PDE1C: variants seen among roughly 807,000 people sequenced by gnomAD.
The protein encoded by PDE1C is dual specificity calcium/calmodulin-dependent 3',5'-cyclic nucleotide phosphodiesterase 1C.
In PDE1C, 62 loss-of-function variants were observed where a neutral mutation model predicts 93.1. The observed-to-expected ratio is 0.67, with a 90% confidence interval of 0.54 to 0.82. The LOEUF is 0.82. PDE1C is among the 40% of genes least tolerant of loss of function. The pLI, the probability that PDE1C is intolerant of heterozygous loss-of-function variation, is 0.00. For synonymous variants in PDE1C, 325 were observed against 310.1 expected, an observed-to-expected ratio of 1.05 and a Z score of -0.50; for missense variants, 742 against 884.6, an observed-to-expected ratio of 0.84 and a Z score of 2.04.
At chr7:31,780,180 T>C (rs1215448200) in intron 16 of PDE1C, among the ~76,000 whole-genome samples, 4 of 152,202 alleles carry the variant, frequency 2.6e-5, no homozygotes, top group African/African-American at 9.6e-5. Context: ...GACTTTTTAA[T>C]GTTCCCAGGT....
At chr7:32,410,433 G>T (rs1051852155) in intron 1 of PDE1C, among the ~76,000 whole-genome samples, 2 of 151,886 alleles carry the variant, frequency 1.3e-5, no homozygotes, top group African/African-American at 4.8e-5. Context: ...GGAAGAGGAG[G>T]AGGAGGAGGT....
At chr7:31,992,248 A>G (rs775620333) in intron 2 of PDE1C, among the ~76,000 whole-genome samples, 5 of 152,228 alleles carry the variant, frequency 3.3e-5, no homozygotes, top group Non-Finnish European at 7.3e-5. Context: ...ACATGGCTCC[A>G]GCTCAGTGAC....
chr7:31,964,937 C>T (rs1809668398), intron 2 of PDE1C, among the ~76,000 whole-genome samples: 1 of 152,052 alleles, frequency 6.6e-6, no homozygotes, highest in Non-Finnish European at 1.5e-5. Flanking sequence ...AAAGGACATC[C>T]ACACCAAAAA....
the PDE1C span, among the ~76,000 whole-genome samples, chr7:31,735,465 C>T: frequency 4.6e-5 from 7 of 151,204 alleles, no homozygotes; most frequent in South Asian, 2.1e-4. Context: ...TATAAGCAAA[C>T]GTCCCAGGCC....
At chr7:31,686,784 G>T in the PDE1C span, 2 of 152,132 alleles carry the variant, frequency 1.3e-5, no homozygotes, top group Non-Finnish European at 2.9e-5. Flanking sequence ...AATGTTAGCA[G>T]TAGCTACCCT....
the PDE1C span, among the ~76,000 whole-genome samples, chr7:31,692,679 G>A: frequency 4.3e-4 from 66 of 152,336 alleles, no homozygotes; most frequent in African/African-American, 1.5e-3. Context: ...CAGGCAAATA[G>A]CCATGGGTCT....
At chr7:31,913,681 C>T (rs753381915) in intron 2 of PDE1C, among the ~76,000 whole-genome samples, 1 of 152,182 alleles carries the variant, frequency 6.6e-6, no homozygotes, top group African/African-American at 2.4e-5. Flanking sequence ...GGGACTAAGA[C>T]AAGAGCAGTC....
chr7:31,894,726 G>A (rs1158872774), intron 2 of PDE1C, among the ~76,000 whole-genome samples: 3 of 152,162 alleles, frequency 2.0e-5, no homozygotes, highest in African/African-American at 7.2e-5. Context: ...TCCGCCTAGT[G>A]CAGAGATTTT....
intron 2 of PDE1C, among the ~76,000 whole-genome samples, chr7:31,915,549 T>C (rs1282465638): frequency 2.6e-5 from 4 of 152,226 alleles, no homozygotes; most frequent in Non-Finnish European, 4.4e-5. Flanking sequence ...ATGTACTTTG[T>C]ATTTCACTGA....
intron 8 of PDE1C, 126 bp downstream of exon 8, chr7:31,850,515 G>A: frequency 1.5e-6 from 1 of 685,660 alleles, no homozygotes; most frequent in East Asian, 2.6e-5. Flanking sequence ...TCATTTAGAG[G>A]TTCATTGTTT....
At chr7:32,070,503 C>G (rs30598), upstream of PDE1C, 1,056,224 of 1,540,038 alleles carry the variant, frequency 0.69, 363,703 homozygotes, top group Non-Finnish European at 0.7. Context: ...CGCGTTTGCC[C>G]GGCACTTTCT....
At chr7:32,057,250 T>C (rs1291112276) in intron 1 of PDE1C, among the ~76,000 whole-genome samples, 2 of 152,342 alleles carry the variant, frequency 1.3e-5, no homozygotes, top group East Asian at 1.9e-4. Flanking sequence ...GGAGATCTCA[T>C]GTGCTATGGC....
At chr7:31,757,951 G>A (rs1163070784) in intron 17 of PDE1C, among the ~76,000 whole-genome samples, 10 of 152,232 alleles carry the variant, frequency 6.6e-5, no homozygotes, top group Admixed American at 6.5e-4. Flanking sequence ...TATACACCAT[G>A]GAATACTATG....
intron 1 of PDE1C, among the ~76,000 whole-genome samples, chr7:32,340,788 G>T (rs113936969): frequency 0.011 from 1,614 of 152,274 alleles, 15 homozygotes; most frequent in Non-Finnish European, 0.018. Context: ...TTCTAGAAAA[G>T]AAAATACAAT....
intron 1 of PDE1C, among the ~76,000 whole-genome samples, chr7:32,425,423 G>A (rs1419348503): frequency 6.6e-6 from 1 of 152,026 alleles, no homozygotes; most frequent in Admixed American, 6.6e-5. Context: ...TTTTGCATAA[G>A]TATCCTAGGT....
intron 16 of PDE1C, among the ~76,000 whole-genome samples, chr7:31,806,072 C>A (rs1786785544): frequency 6.6e-6 from 1 of 151,884 alleles, no homozygotes; most frequent in Non-Finnish European, 1.5e-5. Flanking sequence ...CTTCATAACT[C>A]ACTTTTCAGT....
Position 32,400,454 on chromosome 7 carries a change from G to A in PDE1C, c.310+27368C>T, listed in dbSNP as rs73307818. ...AGAAAATGGGAGTCTGTGGTCAGACGGAAAATACTGCAGGCTAGATTTGGC... is the reference window on the plus strand; with the variant it reads ...AGAAAATGGGAGTCTGTGGTCAGACAGAAAATACTGCAGGCTAGATTTGGC... On this transcript the variant is annotated intron_variant, in intron 1 of 1. Coordinates refer to the PDE1C transcript ENST00000672256. Among the ~76,000 whole-genome samples, 861 of 152,252 alleles carry A rather than the reference G, an allele frequency of 5.7e-3. 7 individuals are homozygous for A. The highest frequency in any genetic ancestry group is 0.02 in the African/African-American group (834 of 41,544).
At chr7:31,859,170 T>G (rs912568283) in intron 7 of PDE1C, among the ~76,000 whole-genome samples, 1 of 149,408 alleles carries the variant, frequency 6.7e-6, no homozygotes, top group Middle Eastern at 3.4e-3. Flanking sequence ...CTATTGACTA[T>G]GTACATTTAT....
chr7:32,402,600 C>T (rs1438377710), intron 1 of PDE1C, among the ~76,000 whole-genome samples: 1 of 152,174 alleles, frequency 6.6e-6, no homozygotes, highest in Admixed American at 6.5e-5. Context: ...ATTCAAATGC[C>T]AATCTCTTTC....
Sources: allele counts gnomAD v4.1 joint callset (sites outside exome capture counted in the v4.1 genomes callset), GRCh38; gene constraint gnomAD v4.1.1; transcripts MANE v1.5; gene names NCBI Gene and HGNC (gene_info 2026-07-23, HGNC 2026-07-21).